Variants in CDH13 observed in about 807,000 individuals in gnomAD.
CDH13 encodes cadherin-13.
A neutral mutation model predicts 63.8 loss-of-function variants in CDH13; 24 were observed. The observed-to-expected ratio is 0.38, with a 90% CI of 0.27 to 0.53. The LOEUF (loss-of-function observed/expected upper bound fraction) is 0.53, where lower values mean the gene tolerates loss of function less well. Ranked by LOEUF, CDH13 falls within the 20% of genes least tolerant of loss-of-function variation. The probability of loss-of-function intolerance (pLI) is 0.85; values close to 1 mark genes in which losing one functional copy is unlikely to be tolerated. For missense variants in CDH13, 1,049 were observed against 903.1 expected (o/e 1.16, Z -2.07); for synonymous variants, 503 against 355.3 (o/e 1.42, Z -4.67).
At chr16:82,657,821 C>A (rs184168002) in intron 1 of CDH13, among the ~76,000 whole-genome samples, 1 of 152,120 alleles carries the variant, frequency 6.6e-6, no homozygotes, top group Admixed American at 6.5e-5. Flanking sequence ...TGGAGTTTGT[C>A]AATTTTTTTG....
intron 4 of CDH13, among the ~76,000 whole-genome samples, chr16:83,131,397 T>G (rs896407044): frequency 1.3e-5 from 2 of 152,206 alleles, no homozygotes; most frequent in Non-Finnish European, 2.9e-5. Flanking sequence ...ATTTTTGAAC[T>G]CTAGACAGCA....
At chr16:83,364,622 T>A (rs2091224614) in intron 6 of CDH13, among the ~76,000 whole-genome samples, 1 of 152,198 alleles carries the variant, frequency 6.6e-6, no homozygotes, top group African/African-American at 2.4e-5. Context: ...GAGCTGGAAC[T>A]CCATTACTTG....
chr16:82,729,036 C>A (rs1007133590), intron 1 of CDH13, among the ~76,000 whole-genome samples: 1 of 152,140 alleles, frequency 6.6e-6, no homozygotes, highest in African/African-American at 2.4e-5. Context: ...TTCAGCAATT[C>A]AGTCACATCT....
intron 7 of CDH13, among the ~76,000 whole-genome samples, chr16:83,593,121 A>T (rs1906918565): frequency 6.6e-6 from 1 of 152,214 alleles, no homozygotes; most frequent in African/African-American, 2.4e-5. Flanking sequence ...TGTCAGGTGC[A>T]GCCAGCCCGG....
intron 2 of CDH13, among the ~76,000 whole-genome samples, chr16:83,019,171 T>C (rs375908317): frequency 6.6e-6 from 1 of 152,384 alleles, no homozygotes; most frequent in African/African-American, 2.4e-5. Context: ...ACACTTAGCT[T>C]ACAACACAAA....
At chr16:82,779,943 T>C (rs2035673747) in intron 1 of CDH13, among the ~76,000 whole-genome samples, 1 of 152,190 alleles carries the variant, frequency 6.6e-6, no homozygotes, top group African/African-American at 2.4e-5. Flanking sequence ...ATGTGTATCA[T>C]GTTACTGCAT....
chr16:83,719,934 T>C (rs748039035), intron 10 of CDH13, among the ~76,000 whole-genome samples: 1 of 152,172 alleles, frequency 6.6e-6, no homozygotes, highest in Non-Finnish European at 1.5e-5. Context: ...CAGACTCCAC[T>C]GTAGGAATCT....
chr16:82,929,671 A>C (rs2042419176), intron 2 of CDH13, among the ~76,000 whole-genome samples: 1 of 146,994 alleles, frequency 6.8e-6, no homozygotes, highest in Non-Finnish European at 1.5e-5. Context: ...AAAAAAAAAA[A>C]AAAAAAAAAA....
chr16:82,737,322 G>C (rs2033723659), intron 1 of CDH13, among the ~76,000 whole-genome samples: 1 of 152,160 alleles, frequency 6.6e-6, no homozygotes, highest in African/African-American at 2.4e-5. Flanking sequence ...GCTCTCAGAT[G>C]GACCCAGGGG....
At chr16:83,364,314 T>C (rs1337481476) in intron 6 of CDH13, among the ~76,000 whole-genome samples, 2 of 152,176 alleles carry the variant, frequency 1.3e-5, no homozygotes, top group Non-Finnish European at 2.9e-5. Context: ...TCTCCCTCAC[T>C]TTCCTGTTGA....
chr16:83,581,435 C>T (rs1004976425), intron 7 of CDH13, among the ~76,000 whole-genome samples: 3 of 152,188 alleles, frequency 2.0e-5, no homozygotes, highest in Non-Finnish European at 4.4e-5. Context: ...CCTCCTTTTT[C>T]TGAAAGTTTC....
At chr16:82,840,902 G>A (rs2151131526) in intron 1 of CDH13, among the ~76,000 whole-genome samples, 1 of 152,310 alleles carries the variant, frequency 6.6e-6, no homozygotes, top group Middle Eastern at 3.4e-3. Flanking sequence ...TGGAAACTCA[G>A]GTGCTTGGCA....
chr16:83,603,359 CTT>C (rs1166017289), intron 8 of CDH13, among the ~76,000 whole-genome samples: 1 of 152,176 alleles, frequency 6.6e-6, no homozygotes, highest in Non-Finnish European at 1.5e-5. Flanking sequence ...TTTGCAGAGT[CTT>C]TACTGTATCT....
chr16:83,515,867 A>G (rs991033171), intron 7 of CDH13, among the ~76,000 whole-genome samples: 2 of 152,178 alleles, frequency 1.3e-5, no homozygotes, highest in African/African-American at 2.4e-5. Context: ...GATTGCCTAT[A>G]TATTTATAAA....
intron 1 of CDH13, among the ~76,000 whole-genome samples, chr16:82,771,908 G>A (rs1257432258): frequency 6.6e-6 from 1 of 152,236 alleles, no homozygotes; most frequent in Non-Finnish European, 1.5e-5. Flanking sequence ...CCCCTTTGGG[G>A]CAAGGCAACT....
At chr16:83,427,668 G>A (rs576912455) in intron 6 of CDH13, among the ~76,000 whole-genome samples, 1 of 152,034 alleles carries the variant, frequency 6.6e-6, no homozygotes, top group South Asian at 2.1e-4. Flanking sequence ...TGATTATGGT[G>A]CCTTGTGCCT....
At chr16:83,247,790 TGAACCAG>T (rs1905114757) in intron 5 of CDH13, among the ~76,000 whole-genome samples, 3 of 152,300 alleles carry the variant, frequency 2.0e-5, no homozygotes, top group Non-Finnish European at 4.4e-5. Flanking sequence ...ACTTCTATAT[TGAACCAG>T]GAACCAGAGA....
intron 10 of CDH13, among the ~76,000 whole-genome samples, chr16:83,719,456 T>TG (rs75699661): frequency 0.15 from 23,190 of 152,058 alleles, 2,035 homozygotes; most frequent in Middle Eastern, 0.27. Context: ...CAGTAAACGG[T>TG]GGACACAGGA....
intron 10 of CDH13, among the ~76,000 whole-genome samples, chr16:83,680,269 C>T (rs956895423): frequency 1.3e-5 from 2 of 152,142 alleles, no homozygotes; most frequent in Non-Finnish European, 2.9e-5. Context: ...GCAGCTCTGC[C>T]TTGCTGGAGC....
Sources: gnomAD v4.1 joint callset for allele counts (sites outside exome capture counted in the v4.1 genomes callset) on GRCh38, gnomAD v4.1.1 for gene constraint, MANE v1.5 for transcripts, NCBI Gene and HGNC (gene_info 2026-07-23, HGNC 2026-07-21) for gene names.